SH3GL3: variants seen among roughly 807,000 people sequenced by gnomAD.
SH3GL3 encodes endophilin-A3.
Under a neutral mutation model 47.7 loss-of-function variants are expected in SH3GL3, and 33 were observed. That is an observed-to-expected ratio of 0.69 (90% confidence interval 0.52 to 0.92). SH3GL3 has a LOEUF of 0.92. Among genes scored for constraint, SH3GL3 ranks in the 40% least tolerant of loss-of-function variants. The pLI is 0.00. For synonymous variants in SH3GL3, 155 were observed against 148.8 expected (o/e 1.04, Z -0.30); for missense variants, 363 against 417.8 (o/e 0.87, Z 1.14).
At chr15:83,468,548 C>T (rs2040684097) in intron 1 of SH3GL3, among the ~76,000 whole-genome samples, 1 of 152,124 alleles carries the variant, frequency 6.6e-6, no homozygotes, top group Admixed American at 6.5e-5. Context: ...TGTATTTCTA[C>T]TTTTCTGAAT....
chr15:83,480,869 G>T (rs1391050845), intron 1 of SH3GL3, among the ~76,000 whole-genome samples: 1 of 152,146 alleles, frequency 6.6e-6, no homozygotes, highest in East Asian at 1.9e-4. Context: ...TCAAGGATTT[G>T]TGTATCCCAT....
At position 83,481,148 on chromosome 15, in the gene SH3GL3, A is replaced by G. The variant is rs181759561; in HGVS notation, c.45+33570A>G. The stretch of plus-strand genomic sequence containing the variant: ...AAAATTAGCGGGCGTGGTGGCAGCC[A>G]CCTATATTCCCAGCTAGTCGGGAGG... On this transcript the variant is annotated intron_variant, in intron 1 of 8. Coordinates refer to ENST00000427482, the MANE Select transcript of SH3GL3 (RefSeq NM_003027.5). Among the ~76,000 whole-genome samples the G allele has an allele frequency of 2.0e-5, 3 of 151,924 alleles. No individual in the cohort carries two copies. The East Asian group carries it at 5.8e-4, about 29-fold the overall frequency.
intron 1 of SH3GL3, among the ~76,000 whole-genome samples, chr15:83,489,720 A>C (rs2041778287): frequency 6.6e-6 from 1 of 152,174 alleles, no homozygotes; most frequent in Non-Finnish European, 1.5e-5. Context: ...CTGAACCAAA[A>C]TGCCCTTTCC....
chr15:83,580,477 A>G (rs1388641468), intron 6 of SH3GL3, among the ~76,000 whole-genome samples: 2 of 152,202 alleles, frequency 1.3e-5, no homozygotes, highest in Non-Finnish European at 2.9e-5. Flanking sequence ...CACAAGTGGG[A>G]CATGCTTCTG....
At position 83,500,698 on chromosome 15, in the gene SH3GL3, G is replaced by GGACT. The variant is rs368845501; in HGVS notation, c.45+53121_45+53124dup. Among the ~76,000 whole-genome samples, 1,133 of 152,308 alleles carry GGACT rather than the reference G, an allele frequency of 7.4e-3. 12 individuals carry two copies. The highest frequency in any genetic ancestry group is 0.026 in the African/African-American group (1,076 of 41,558). On this transcript the variant is annotated intron_variant, in intron 1 of 8. Coordinates refer to ENST00000427482, the MANE Select transcript of SH3GL3 (RefSeq NM_003027.5). ...ATTTCCCTTCCTTTCTCCCTTCCAGGGACTACTCTGAGGTGCAGTTTCTTC... is the reference window on the plus strand; with the variant it reads ...ATTTCCCTTCCTTTCTCCCTTCCAGGGACTGACTACTCTGAGGTGCAGTTTCTTC...
chr15:83,459,664 T>A (rs916634315), intron 1 of SH3GL3, among the ~76,000 whole-genome samples: 1 of 152,232 alleles, frequency 6.6e-6, no homozygotes, highest in Non-Finnish European at 1.5e-5. Context: ...AGCTTTTTCA[T>A]GTTATACAGT....
chr15:83,539,682 T>C (rs532984673), intron 1 of SH3GL3, among the ~76,000 whole-genome samples: 1 of 152,322 alleles, frequency 6.6e-6, no homozygotes, highest in East Asian at 1.9e-4. Flanking sequence ...TTCTACTCTG[T>C]GGCTTGATAT....
chr15:83,529,049 C>T (rs556072361), intron 1 of SH3GL3, among the ~76,000 whole-genome samples: 14 of 124,214 alleles, frequency 1.1e-4, no homozygotes, highest in East Asian at 9.8e-4. Context: ...GGTGTAGTCT[C>T]GGTATGATTT....
At chr15:83,502,396 G>A (rs1368751056) in intron 1 of SH3GL3, among the ~76,000 whole-genome samples, 1 of 152,218 alleles carries the variant, frequency 6.6e-6, no homozygotes, top group African/African-American at 2.4e-5. Flanking sequence ...AGGAGAGGCC[G>A]AGGCCTCCAC....
intron 5 of SH3GL3, among the ~76,000 whole-genome samples, chr15:83,573,371 C>T (rs1273746498): frequency 6.6e-6 from 1 of 152,240 alleles, no homozygotes; most frequent in Non-Finnish European, 1.5e-5. Flanking sequence ...GTTTTCCCTT[C>T]TTCAGACCTA....
At chr15:83,600,107 T>C (rs1327981743) in intron 8 of SH3GL3, among the ~76,000 whole-genome samples, 1 of 152,150 alleles carries the variant, frequency 6.6e-6, no homozygotes, top group African/African-American at 2.4e-5. Context: ...TTGTCAGATG[T>C]ATAGATTGTG....
In SH3GL3 at chr15:83,495,484, C is replaced by A. The variant is rs1292374885; in HGVS notation, c.45+47906C>A. Among the ~76,000 whole-genome samples the A allele has an allele frequency of 2.0e-5, 3 of 152,166 alleles. No individual in the cohort carries two copies. In the East Asian group the frequency reaches 5.8e-4, roughly 29 times the overall value. Reference sequence around the variant, plus strand: ...ATGTGGTGGCTCATGCCTGTAATCTCAGCATTTTGGGAGGCTGAGGTGGGT... The same window carrying A: ...ATGTGGTGGCTCATGCCTGTAATCTAAGCATTTTGGGAGGCTGAGGTGGGT... On this transcript the variant is annotated intron_variant, in intron 1 of 8. Transcript: ENST00000427482.
intron 1 of SH3GL3, among the ~76,000 whole-genome samples, chr15:83,466,990 T>C (rs142363676): frequency 6.6e-6 from 1 of 152,370 alleles, no homozygotes; most frequent in African/African-American, 2.4e-5. Context: ...TACCAGTTTG[T>C]AGCTTGTCTT....
chr15:83,570,267 C>T (rs1243851809), intron 4 of SH3GL3, among the ~76,000 whole-genome samples: 1 of 152,022 alleles, frequency 6.6e-6, no homozygotes, highest in Non-Finnish European at 1.5e-5. Context: ...CAACTTTCTC[C>T]TGATGATTTG....
At chr15:83,463,016 AAAGTTG>A (rs1232530309) in intron 1 of SH3GL3, among the ~76,000 whole-genome samples, 3 of 152,200 alleles carry the variant, frequency 2.0e-5, no homozygotes, top group Non-Finnish European at 4.4e-5. Context: ...GGGAAACGTG[AAAGTTG>A]CAGATATGAG....
intron 1 of SH3GL3, among the ~76,000 whole-genome samples, chr15:83,551,696 A>G (rs942012200): frequency 2.0e-5 from 3 of 152,076 alleles, no homozygotes; most frequent in Non-Finnish European, 2.9e-5. Flanking sequence ...CTGGCCCCTG[A>G]GTGTATGCCT....
chr15:83,612,348 C>A (rs1442487543), intron 8 of SH3GL3, among the ~76,000 whole-genome samples: 1 of 152,192 alleles, frequency 6.6e-6, no homozygotes, highest in East Asian at 1.9e-4. Context: ...GGGCCTGGGC[C>A]AGGATCTGTG....
At chr15:83,591,657 T>C (rs938555677) in intron 8 of SH3GL3, among the ~76,000 whole-genome samples, 4 of 152,052 alleles carry the variant, frequency 2.6e-5, no homozygotes, top group African/African-American at 7.2e-5. Flanking sequence ...TCAGAGTATA[T>C]GTGTATACAT....
chr15:83,512,490 C>T (rs920693338), intron 1 of SH3GL3, among the ~76,000 whole-genome samples: 4 of 152,126 alleles, frequency 2.6e-5, no homozygotes, highest in Admixed American at 6.5e-5. Flanking sequence ...AGCCTGGAAG[C>T]GCGCTGCTTT....
Sources: gnomAD v4.1 joint callset for allele counts (sites outside exome capture counted in the v4.1 genomes callset) on GRCh38, gnomAD v4.1.1 for gene constraint, MANE v1.5 for transcripts, NCBI Gene and HGNC (gene_info 2026-07-23, HGNC 2026-07-21) for gene names.